Variants in SACS observed in about 807,000 individuals in gnomAD.
The protein encoded by SACS is sacsin.
Under a neutral mutation model 348.0 loss-of-function variants are expected in SACS, and 197 were observed. The observed-to-expected ratio is 0.57, with a 90% confidence interval of 0.50 to 0.64. The LOEUF is 0.64. SACS is among the 30% of genes least tolerant of loss of function. The pLI is 0.00. For missense variants in SACS, 4,999 were observed against 5,360.8 expected (o/e 0.93, Z 2.11); for synonymous variants, 1,985 against 1,910.6 (o/e 1.04, Z -1.02).
chr13:23,331,380 A>G lies in SACS; in HGVS notation c.12496T>C (p.Tyr4166His). ...PGTPIPAEIHYTLLMDPMNVF... is the reference protein window; with the variant it reads ...PGTPIPAEIHHTLLMDPMNVF... ...TTCATTGGGTCCATAAGCAGAGTGT[A>G]ATGAATTTCAGCAGGAATTGGTGTG... The change falls in exon 10 of 10, where the codon TAC becomes CAC. Residue 4166 changes from tyrosine to histidine, a missense_variant. By Grantham distance (83) the Tyr-to-His change is moderately conservative. Around this residue, in one of 6 missense-constraint regions of SACS, gnomAD observed 831 missense variants for 941.8 expected, o/e 0.88. Transcript: ENST00000382292. 1.9e-6 allele frequency: 3 copies of G among 1,614,088 alleles called. No individual in the cohort carries two copies. The highest frequency in any genetic ancestry group is 2.5e-6 in the Non-Finnish European group (3 of 1,179,972).
At position 23,358,694 on chromosome 13, in the gene SACS, T is replaced by C. The variant is rs116246188; in HGVS notation, c.458-213A>G. On this transcript the variant is annotated intron_variant, in intron 6 of 9. Transcript: ENST00000382292. Reference sequence around the variant, plus strand: ...TAGCAGCAGAAGAAATATACTATTGTTGGCCAAAAATCCAAAAAGGAAAAA... The same window carrying C: ...TAGCAGCAGAAGAAATATACTATTGCTGGCCAAAAATCCAAAAAGGAAAAA... 6.9e-3 allele frequency among the ~76,000 whole-genome samples: 1,050 copies of C among 152,232 alleles called. 11 individuals carry two copies. The highest frequency in any genetic ancestry group is 0.024 in the African/African-American group (996 of 41,542).
chr13:23,337,937 GAGA>G lies in SACS; in HGVS notation c.5936_5938del (p.Phe1979del). 6.2e-7 allele frequency: 1 copy of G among 1,613,988 alleles called. No homozygotes were observed. The highest frequency in any genetic ancestry group is 8.5e-7 in the Non-Finnish European group (1 of 1,179,964). ...CATGGAAACCCAAGTAGATCCATCA[GAGA>G]AGACTTTGGTCAGTTCTTTCCCTTT... is the stretch of plus-strand genomic sequence containing the variant. On this transcript the variant is annotated inframe_deletion, in exon 10 of 10. Coordinates refer to ENST00000382292, the MANE Select transcript of SACS (RefSeq NM_014363.6).
chr13:23,410,966 G>C (rs549345698), intron 2 of SACS, among the ~76,000 whole-genome samples: 1 of 152,254 alleles, frequency 6.6e-6, no homozygotes, highest in South Asian at 2.1e-4. Flanking sequence ...CATCTAGTTA[G>C]CTCTCCATTG....
rs778777806 is a variant in SACS at position 23,365,268 on chromosome 13, GAATT to G, written c.351_354del (p.Leu117PhefsTer58). The stretch of plus-strand genomic sequence containing the variant: ...GTCGCCCCAGCATCTTCTGCATTCT[GAATT>G]AATTCCTAACCAAAAAATATACCAA... On this transcript the variant is annotated frameshift_variant, in exon 6 of 10. Transcript: ENST00000382292. LOFTEE classifies it high-confidence loss of function. 6.3e-7 allele frequency: 1 copy of G among 1,598,470 alleles called. No homozygotes were observed. Among genetic ancestry groups the G allele is most frequent in the Non-Finnish European group, 8.5e-7 (1 of 1,170,558 alleles).
intron 1 of SACS, chr13:23,419,338 GT>G: frequency 6.6e-6 from 1 of 152,546 alleles, no homozygotes; most frequent in African/African-American, 2.4e-5. Context: ...ACCAACATGG[GT>G]TTTAGTGTCT....
At chr13:23,402,789 C>A (rs1055963748) in intron 2 of SACS, among the ~76,000 whole-genome samples, 8 of 152,002 alleles carry the variant, frequency 5.3e-5, no homozygotes, top group African/African-American at 1.9e-4. Context: ...ACCTTAGGAC[C>A]CAGAAAAGAG....
rs1279216400 is a variant in SACS, at chr13:23,338,394, C to T, written c.5482G>A (p.Glu1828Lys). 2 of 1,614,118 alleles carry T rather than the reference C, an allele frequency of 1.2e-6. No homozygotes were observed. Among genetic ancestry groups the T allele is most frequent in the Admixed American group, 3.3e-5 (2 of 60,028 alleles). The change falls in exon 10 of 10, where the codon GAG (glutamate) becomes AAG (lysine). Residue 1828 changes from glutamate to lysine, a missense_variant. This residue lies in a region of SACS where 3,156 missense variants were observed against 3,380.1 expected (regional missense o/e 0.93). Coordinates refer to ENST00000382292, the MANE Select transcript of SACS (RefSeq NM_014363.6). ...WLLCTCMDTG[E>K]ALKFSLSESG... ...TCACTCAGGGAAAACTTCAGAGCCT[C>T]TCCTGTGTCCATGCAAGTACACAGA...
At chr13:23,354,424 G>C in intron 8 of SACS, 95 bp downstream of exon 8, 1 of 1,083,012 alleles carries the variant, frequency 9.2e-7, no homozygotes, top group Non-Finnish European at 1.4e-6. Context: ...AATCGACATA[G>C]AAAACCATTG....
At chr13:23,415,903 T>C (rs1199005602) in intron 1 of SACS, among the ~76,000 whole-genome samples, 1 of 152,178 alleles carries the variant, frequency 6.6e-6, no homozygotes, top group Non-Finnish European at 1.5e-5. Context: ...TCAGTAAATT[T>C]ATGAGAAAAT....
At chr13:23,369,670 G>A (rs1871266161) in intron 4 of SACS, among the ~76,000 whole-genome samples, 2 of 151,124 alleles carry the variant, frequency 1.3e-5, no homozygotes, top group African/African-American at 2.4e-5. Context: ...TCAGCCTCCT[G>A]AGTAGCTGGG....
At position 23,338,156 on chromosome 13, in the gene SACS, C is replaced by T. The variant is rs1235580034; in HGVS notation, c.5720G>A (p.Arg1907Gln). The T allele has an allele frequency of 1.2e-6, 2 of 1,614,106 alleles. No homozygotes were observed. Among genetic ancestry groups the T allele is most frequent in the Non-Finnish European group, 8.5e-7 (1 of 1,179,984 alleles). ...ATGTCTCATGAACGTGGTATTCCAT[C>T]GTCCTTTTGTATCTGTTTTCCAGAT... ...KEIWKTDTKG[R>Q]WNTTFMRHVI... The change falls in exon 10 of 10, where the codon CGA (arginine) becomes CAA (glutamine). Residue 1907 changes from arginine (R) to glutamine (Q), a missense_variant. This residue lies in a region of SACS where 3,156 missense variants were observed against 3,380.1 expected (regional missense o/e 0.93). Transcript: ENST00000382292.
At position 23,355,936 on chromosome 13, in the gene SACS, C is replaced by G; in HGVS notation, c.676G>C (p.Glu226Gln). 1 of 1,614,052 alleles carries G rather than the reference C, an allele frequency of 6.2e-7. No homozygotes were observed. The highest frequency in any genetic ancestry group is 1.6e-4 in the Middle Eastern group (1 of 6,062). ...TTGAGATTCCAACATTGGCCTGATT[C>G]ATGTGGGCCAAAAAGTGTTTGATGA... ...DPHQTLFGPH[E>Q]SGQCWNLKDD... The change falls in exon 8 of 10, where the codon GAA becomes CAA. Residue 226 changes from glutamate (E) to glutamine (Q), a missense_variant. Transcript: ENST00000382292.
chr13:23,410,408 T>G (rs998006897), intron 2 of SACS, among the ~76,000 whole-genome samples: 3 of 152,206 alleles, frequency 2.0e-5, no homozygotes, highest in Admixed American at 6.5e-5. Context: ...TTAGTTCCAC[T>G]GTCTAATGGG....
Position 23,346,320 on chromosome 13 carries a change from A to G in SACS, c.2186-4630T>C, listed in dbSNP as rs558059078. Among the ~76,000 whole-genome samples the G allele has an allele frequency of 1.4e-4, 21 of 152,132 alleles. No homozygotes were observed. In the South Asian group the frequency reaches 4.2e-3, roughly 30 times the overall value. ...CCACCACGCCTGGCTAATTTTTTGT[A>G]TTTTTAGTAGAGACGAGGTTTTACC... On this transcript the variant is annotated intron_variant, in intron 9 of 9. Transcript: ENST00000382292.
chr13:23,373,766 C>T (rs970586563), intron 3 of SACS: 1 of 132,680 alleles, frequency 7.5e-6, no homozygotes, highest in Non-Finnish European at 1.5e-5. Context: ...GCAGGCACTC[C>T]AGCCTGGCGA....
At chr13:23,376,807 T>A (rs1237408789) in intron 2 of SACS, among the ~76,000 whole-genome samples, 2 of 152,206 alleles carry the variant, frequency 1.3e-5, no homozygotes, top group African/African-American at 4.8e-5. Flanking sequence ...ATCCCAGCGC[T>A]TTGGGAGGCC....
At chr13:23,366,301 G>C (rs1181264910) in intron 5 of SACS, among the ~76,000 whole-genome samples, 1 of 152,198 alleles carries the variant, frequency 6.6e-6, no homozygotes, top group African/African-American at 2.4e-5. Context: ...TTCTGAGATT[G>C]TGCTCAGTTC....
chr13:23,330,175 G>C lies in SACS; in HGVS notation c.13701C>G (p.Ile4567Met). The part of the protein sequence containing the change: ...AMRVMECTAC[I>M]IIKLENFMQQ... ...GCATAAAATTTTCAAGTTTTATTAT[G>C]ATACAGGCAGTACATTCCATCACCC... is the stretch of plus-strand genomic sequence containing the variant. The change falls in exon 10 of 10, where the codon ATC (isoleucine) becomes ATG (methionine). Residue 4567 changes from isoleucine (I) to methionine (M), a missense_variant. This residue lies in a region of SACS where 254 missense variants were observed against 275.1 expected (regional missense o/e 0.92). Coordinates refer to ENST00000382292, the MANE Select transcript of SACS (RefSeq NM_014363.6). 6.2e-7 allele frequency: 1 copy of C among 1,613,812 alleles called. No individual in the cohort carries two copies. Among genetic ancestry groups the C allele is most frequent in the Non-Finnish European group, 8.5e-7 (1 of 1,179,878 alleles).
At chr13:23,415,533 G>T (rs190177666) in intron 1 of SACS, among the ~76,000 whole-genome samples, 1 of 152,302 alleles carries the variant, frequency 6.6e-6, no homozygotes, top group Non-Finnish European at 1.5e-5. Context: ...TACATGTGAA[G>T]GTGATAAGGC....
Sources: gnomAD v4.1 joint callset for allele counts (sites outside exome capture counted in the v4.1 genomes callset) on GRCh38, gnomAD v4.1.1 for gene constraint, gnomAD v4.1.1 regional missense constraint, MANE v1.5 for transcripts, NCBI Gene and HGNC (gene_info 2026-07-23, HGNC 2026-07-21) for gene names.